Variants in ELAPOR1 observed in about 807,000 individuals in gnomAD.
The protein encoded by ELAPOR1 is endosome-lysosome associated apoptosis and autophagy regulator 1.
In ELAPOR1, 77 loss-of-function variants were observed where a neutral mutation model predicts 119.7. The observed-to-expected ratio is 0.64, with a 90% CI of 0.54 to 0.78. The LOEUF is 0.78. Ranked by LOEUF, ELAPOR1 falls within the 30% of genes least tolerant of loss-of-function variation. The pLI, the probability that ELAPOR1 is intolerant of heterozygous loss-of-function variation, is 0.00. For synonymous variants in ELAPOR1, 481 were observed against 487.2 expected (o/e 0.99, Z 0.17); for missense variants, 1,115 against 1,270.4 (o/e 0.88, Z 1.86).
In ELAPOR1 at chr1:109,200,201, C is replaced by A; in HGVS notation, c.2771C>A (p.Thr924Asn). The change falls in exon 20 of 22, where the codon ACC (threonine) becomes AAC (asparagine). Residue 924 changes from threonine to asparagine, a missense_variant. Transcript: ENST00000369939. Reference sequence around the variant, plus strand: ...GGCACCTGTACTGCCATCCTGCTCACCGTCTTGACCTGCTACTTTTGGAAA... The same window carrying A: ...GGCACCTGTACTGCCATCCTGCTCAACGTCTTGACCTGCTACTTTTGGAAA... Reference protein sequence around the residue: ...SAGTCTAILLTVLTCYFWKKN... With the variant: ...SAGTCTAILLNVLTCYFWKKN... 1 of 1,614,226 alleles carries A rather than the reference C, an allele frequency of 6.2e-7. No individual in the cohort carries two copies. Among genetic ancestry groups the A allele is most frequent in the Non-Finnish European group, 8.5e-7 (1 of 1,180,046 alleles).
chr1:109,192,566 T>G, intron 13 of ELAPOR1, 45 bp from the exon 14 acceptor site: 1 of 1,596,908 alleles, frequency 6.3e-7, no homozygotes, highest in Non-Finnish European at 8.6e-7. Flanking sequence ...TTGTTGCTGC[T>G]GTCTCAGGCC....
rs554563533 is a variant in ELAPOR1 at position 109,114,211 on chromosome 1, C to A, written c.28C>A (p.Leu10Ile). The change falls in exon 1 of 22, where the codon CTC (leucine) becomes ATC (isoleucine). Residue 10 changes from leucine (L) to isoleucine (I), a missense_variant. Leu to Ile is a conservative substitution (Grantham distance 5). Transcript: ENST00000369939. MAEPGHSHHLSARVRGRTER... is the reference protein window; with the variant it reads MAEPGHSHHISARVRGRTER... The stretch of plus-strand genomic sequence containing the variant: ...GGCTGAGCCTGGGCACAGCCACCAT[C>A]TCTCCGCCAGAGTCAGGGGAAGAAC... The A allele has an allele frequency of 9.3e-6, 15 of 1,604,296 alleles. No homozygotes were observed. In the South Asian group the frequency reaches 1.7e-4, roughly 18 times the overall value.
chr1:109,149,901 AC>A (rs1241566487), intron 1 of ELAPOR1, among the ~76,000 whole-genome samples: 2 of 152,182 alleles, frequency 1.3e-5, no homozygotes, highest in Non-Finnish European at 2.9e-5. Flanking sequence ...AATATTGGCA[AC>A]ACTTCAGGAG....
intron 1 of ELAPOR1, among the ~76,000 whole-genome samples, chr1:109,118,792 G>A (rs866955709): frequency 3.9e-5 from 6 of 152,156 alleles, no homozygotes; most frequent in Admixed American, 1.3e-4. Flanking sequence ...TGATGTCCCT[G>A]GGATCAGCCC....
intron 1 of ELAPOR1, among the ~76,000 whole-genome samples, chr1:109,131,485 C>T (rs140529102): frequency 6.6e-6 from 1 of 151,950 alleles, no homozygotes; most frequent in Non-Finnish European, 1.5e-5. Context: ...CGGCAGTGGA[C>T]GTTCTTAAAT....
intron 20 of ELAPOR1, 96 bp downstream of exon 20, chr1:109,200,333 G>C (rs1654093324): frequency 7.1e-7 from 1 of 1,411,378 alleles, no homozygotes; most frequent in African/African-American, 1.4e-5. Context: ...TTTTTCTCTG[G>C]AGTTGGCTAC....
At chr1:109,182,815 C>G (rs1040929873) in intron 7 of ELAPOR1, among the ~76,000 whole-genome samples, 2 of 149,886 alleles carry the variant, frequency 1.3e-5, no homozygotes, top group Non-Finnish European at 1.5e-5. Context: ...TGCAGTGAGC[C>G]GAGATCGTGC....
At chr1:109,129,420 T>C (rs1260996594) in intron 1 of ELAPOR1, among the ~76,000 whole-genome samples, 1 of 152,054 alleles carries the variant, frequency 6.6e-6, no homozygotes, top group Non-Finnish European at 1.5e-5. Context: ...TGAGGCAGGA[T>C]TCACTAGCTT....
rs144102522 is a variant in ELAPOR1 at position 109,162,824 on chromosome 1, G to A, written c.274+810G>A. ...TGAGGTGTGACTAGTGGAAACAAAT[G>A]AGCCATCTTCATTGAACTCTGCTGA... is the stretch of plus-strand genomic sequence containing the variant. On this transcript the variant is annotated intron_variant, in intron 2 of 21. Coordinates refer to ENST00000369939, the MANE Select transcript of ELAPOR1 (RefSeq NM_020775.5). Among the ~76,000 whole-genome samples, 253 of 152,366 alleles carry A rather than the reference G, an allele frequency of 1.7e-3. 1 individual carries two copies. Among genetic ancestry groups the A allele is most frequent in the Non-Finnish European group, 2.5e-3 (167 of 68,042 alleles).
In ELAPOR1 at chr1:109,188,218, C is replaced by G; in HGVS notation, c.1083C>G (p.Ser361Arg). 1 of 1,613,320 alleles carries G rather than the reference C, an allele frequency of 6.2e-7. No homozygotes were observed. The change falls in exon 9 of 22, where the codon AGC (serine) becomes AGG (arginine). Residue 361 changes from serine (S) to arginine (R), a missense_variant. Physicochemically the swap from Ser to Arg is moderately radical, Grantham distance 110. Coordinates refer to ENST00000369939, the MANE Select transcript of ELAPOR1 (RefSeq NM_020775.5). ...MYKWAKPKIC[S>R]EDLEGAVKLP... ...AATGGGCCAAGCCGAAAATCTGTAG[C>G]GAGGACCTTGAGGGGGCAGTGAAGC... is the stretch of plus-strand genomic sequence containing the variant.
intron 9 of ELAPOR1, 67 bp downstream of exon 9, chr1:109,188,421 C>T: frequency 2.7e-6 from 4 of 1,501,780 alleles, no homozygotes; most frequent in Non-Finnish European, 3.6e-6. Flanking sequence ...TGGGCACTAA[C>T]AGTGGCCAGC....
intron 15 of ELAPOR1, among the ~76,000 whole-genome samples, chr1:109,196,495 GAA>G (rs1653800155): frequency 6.6e-6 from 1 of 152,136 alleles, no homozygotes; most frequent in African/African-American, 2.4e-5. Flanking sequence ...GGAATTTGGG[GAA>G]ATGGTGTATT....
intron 1 of ELAPOR1, among the ~76,000 whole-genome samples, chr1:109,156,224 A>G (rs973821331): frequency 1.3e-4 from 20 of 152,100 alleles, no homozygotes; most frequent in Admixed American, 1.3e-3. Context: ...TCAGATCATC[A>G]GACTTTTACC....
rs1654401874 is a variant in ELAPOR1 at position 109,204,946 on chromosome 1, C to T, written c.*1934C>T. The T allele has an allele frequency of 6.6e-6, 1 of 152,162 alleles. No homozygotes were observed. Among genetic ancestry groups the T allele is most frequent in the Non-Finnish European group, 1.5e-5 (1 of 68,024 alleles). 9.4% of individuals were successfully genotyped at this position (152,162 alleles called of 1,614,324 possible). ...AGCTGGGATACTTCTCACTATTAAG[C>T]CCCTATCTTTCTCTTTTTTTCATTC... On this transcript the variant is annotated 3_prime_UTR_variant, in exon 22 of 22. Coordinates refer to ENST00000369939, the MANE Select transcript of ELAPOR1 (RefSeq NM_020775.5).
chr1:109,123,448 C>T (rs908653602), intron 1 of ELAPOR1, among the ~76,000 whole-genome samples: 2 of 152,082 alleles, frequency 1.3e-5, no homozygotes, highest in Non-Finnish European at 2.9e-5. Context: ...TTTTAATCAC[C>T]GTATCTGTTG....
intron 1 of ELAPOR1, among the ~76,000 whole-genome samples, chr1:109,126,138 G>A (rs1211398895): frequency 6.6e-6 from 1 of 152,230 alleles, no homozygotes; most frequent in African/African-American, 2.4e-5. Flanking sequence ...AGGCTATGAT[G>A]AGAGATTATT....
Position 109,192,730 on chromosome 1 carries a change from C to T in ELAPOR1, c.1803C>T (p.Ser601=). The T allele has an allele frequency of 1.9e-6, 3 of 1,614,114 alleles. No individual in the cohort carries two copies. Among genetic ancestry groups the T allele is most frequent in the Non-Finnish European group, 2.5e-6 (3 of 1,180,024 alleles). The change falls in exon 14 of 22, where the codon TCC becomes TCT. Residue 601 remains serine (S), a synonymous_variant. Transcript: ENST00000369939. ...CALEASDVGS[S]CTSCPAGYYI... ...TAGAAGCCTCTGATGTGGGCTCCTCCTGCACCTCTTGTCCTGCTGGTTACT... is the reference window on the plus strand; with the variant it reads ...TAGAAGCCTCTGATGTGGGCTCCTCTTGCACCTCTTGTCCTGCTGGTTACT...
intron 1 of ELAPOR1, among the ~76,000 whole-genome samples, chr1:109,142,677 A>T (rs889331815): frequency 3.3e-5 from 5 of 152,232 alleles, no homozygotes; most frequent in Non-Finnish European, 7.3e-5. Context: ...ATGTGGAGAA[A>T]TTGGAGCCTT....
intron 1 of ELAPOR1, among the ~76,000 whole-genome samples, chr1:109,115,755 T>TATGA (rs1173786062): frequency 9.2e-5 from 14 of 152,322 alleles, no homozygotes; most frequent in Admixed American, 9.2e-4. Context: ...GATTCATGAA[T>TATGA]ATGACATAAG....
Sources: allele counts gnomAD v4.1 joint callset (sites outside exome capture counted in the v4.1 genomes callset), GRCh38; gene constraint gnomAD v4.1.1; transcripts MANE v1.5; gene names NCBI Gene and HGNC (gene_info 2026-07-23, HGNC 2026-07-21).